ARSG: variants seen among roughly 807,000 people sequenced by gnomAD.
ARSG encodes the protein ASG.
In ARSG, 37 loss-of-function variants were observed where a neutral mutation model predicts 50.5. That is an observed-to-expected ratio of 0.73 (90% CI 0.56 to 0.96). The LOEUF (loss-of-function observed/expected upper bound fraction) is 0.96. ARSG is among the 50% of genes least tolerant of loss of function. The probability of loss-of-function intolerance (pLI) is 0.00; values close to 1 mark genes in which losing one functional copy is unlikely to be tolerated. For missense variants in ARSG, 629 were observed against 675.3 expected, an observed-to-expected ratio of 0.93 and a Z score of 0.76; for synonymous variants, 225 against 254.6, an observed-to-expected ratio of 0.88 and a Z score of 1.11.
intron 1 of ARSG, chr17:68,277,961 G>A: frequency 1.6e-6 from 1 of 645,066 alleles, no homozygotes; most frequent in Non-Finnish European, 2.7e-6. Flanking sequence ...TGTTAGTCAG[G>A]GCTAGGAAGG....
chr17:68,368,676 G>T lies in ARSG; in HGVS notation c.833G>T (p.Ser278Ile), dbSNP rs879013246. 4 of 1,614,050 alleles carry T rather than the reference G, an allele frequency of 2.5e-6. No individual in the cohort carries two copies. Among genetic ancestry groups the T allele is most frequent in the African/African-American group, 2.7e-5 (2 of 74,954 alleles). The stretch of plus-strand genomic sequence containing the variant: ...GGTGCAGGGCTCTGGGAGATGGACA[G>T]TCTGGTGGGCCAGATCAAGGACAAA... Reference protein sequence around the residue: ...LYGAGLWEMDSLVGQIKDKVD... With the variant: ...LYGAGLWEMDILVGQIKDKVD... Residue 278 changes from serine (S) to isoleucine (I), a missense_variant, in exon 7 of 12, where the codon AGT (serine) becomes ATT (isoleucine). Coordinates refer to ENST00000621439, the MANE Select transcript of ARSG (RefSeq NM_001267727.2).
At chr17:68,334,795 C>A (rs1286378086) in intron 2 of ARSG, among the ~76,000 whole-genome samples, 2 of 152,024 alleles carry the variant, frequency 1.3e-5, no homozygotes, top group South Asian at 4.1e-4. Flanking sequence ...TCTTATATGG[C>A]GGCTCACAGA....
chr17:68,292,041 C>T (rs1231334666), intron 1 of ARSG, among the ~76,000 whole-genome samples: 3 of 152,048 alleles, frequency 2.0e-5, no homozygotes, highest in Non-Finnish European at 4.4e-5. Context: ...AACTCGCGCA[C>T]CCCCACAGTT....
At chr17:68,430,095 T>G in the ARSG span, 2 of 1,613,454 alleles carry the variant, frequency 1.2e-6, no homozygotes, top group South Asian at 2.2e-5. Flanking sequence ...GGTAGGGAGG[T>G]AGTTGGTAGC....
intron 11 of ARSG, among the ~76,000 whole-genome samples, chr17:68,402,639 C>T (rs1159621051): frequency 1.3e-5 from 2 of 152,158 alleles, no homozygotes; most frequent in African/African-American, 4.8e-5. Context: ...ATTCTCCTGC[C>T]TCAGCCTCCC....
intron 3 of ARSG, 110 bp downstream of exon 3, chr17:68,343,901 TGA>T (rs1174122224): frequency 1.8e-6 from 2 of 1,136,242 alleles, no homozygotes; most frequent in Non-Finnish European, 2.5e-6. Context: ...TCTTGCTGTG[TGA>T]GTTAGGGATG....
chr17:68,349,134 TA>T (rs34511362), intron 4 of ARSG, among the ~76,000 whole-genome samples: 2 of 151,798 alleles, frequency 1.3e-5, no homozygotes, highest in Non-Finnish European at 2.9e-5. Context: ...CTGTCTCTAC[TA>T]AAAAAATAAA....
intron 2 of ARSG, among the ~76,000 whole-genome samples, chr17:68,325,118 C>T (rs1049870874): frequency 4.6e-5 from 7 of 152,108 alleles, no homozygotes; most frequent in African/African-American, 7.2e-5. Context: ...AGGAGGTGAG[C>T]GGCATGTGAG....
intron 11 of ARSG, among the ~76,000 whole-genome samples, chr17:68,416,567 A>G (rs944933186): frequency 6.6e-6 from 1 of 152,080 alleles, no homozygotes; most frequent in Non-Finnish European, 1.5e-5. Context: ...ATGTTTTCCA[A>G]ACTTTTAGAT....
At chr17:68,304,169 C>T (rs2076522372) in intron 1 of ARSG, among the ~76,000 whole-genome samples, 1 of 152,210 alleles carries the variant, frequency 6.6e-6, no homozygotes, top group Non-Finnish European at 1.5e-5. Flanking sequence ...AGCTAAGAAG[C>T]TTTAAGAGGA....
At chr17:68,264,019 G>A (rs1296316978) in intron 1 of ARSG, among the ~76,000 whole-genome samples, 11 of 151,848 alleles carry the variant, frequency 7.2e-5, no homozygotes, top group East Asian at 1.9e-4. Flanking sequence ...CAACATGTCC[G>A]GCTAATTTTT....
intron 1 of ARSG, among the ~76,000 whole-genome samples, 171 bp downstream of exon 1, chr17:68,291,739 G>A (rs2076000922): frequency 6.6e-6 from 1 of 151,606 alleles, no homozygotes; most frequent in Non-Finnish European, 1.5e-5. Context: ...TGTTGGGGGT[G>A]CCTGCATCCT....
At chr17:68,276,306 C>T (rs1555750892) in intron 1 of ARSG, among the ~76,000 whole-genome samples, 1 of 151,954 alleles carries the variant, frequency 6.6e-6, no homozygotes, top group Non-Finnish European at 1.5e-5. Flanking sequence ...TGTAGAACTG[C>T]CTTGTAAAGA....
intron 1 of ARSG, chr17:68,274,147 G>T: frequency 6.8e-7 from 1 of 1,476,928 alleles, no homozygotes; most frequent in East Asian, 2.3e-5. Context: ...CTTCCTCCAC[G>T]TCTTGCACAT....
At chr17:68,365,105 T>A (rs901871708) in intron 6 of ARSG, among the ~76,000 whole-genome samples, 1 of 152,092 alleles carries the variant, frequency 6.6e-6, no homozygotes, top group Non-Finnish European at 1.5e-5. Context: ...AAGTCAGGAG[T>A]TCGAGACCAG....
chr17:68,426,250 G>GGGGGGGGGGGGT, downstream of ARSG: 5 of 828,060 alleles, frequency 6.0e-6, no homozygotes, highest in African/African-American at 1.7e-5. Flanking sequence ...GGTGGGGAGC[G>GGGGGGGGGGGGT]GGGGCTCAAA....
chr17:68,361,567 A>AAAAC (rs756084104), intron 6 of ARSG, among the ~76,000 whole-genome samples: 34 of 152,208 alleles, frequency 2.2e-4, no homozygotes, highest in East Asian at 5.8e-4. Flanking sequence ...AAAACACAAC[A>AAAAC]AAACAAACAA....
At chr17:68,441,830 G>C in the ARSG span, among the ~76,000 whole-genome samples, 1 of 152,192 alleles carries the variant, frequency 6.6e-6, no homozygotes, top group African/African-American at 2.4e-5. Context: ...TTATAAACGT[G>C]AGCATTTAAA....
In ARSG at chr17:68,385,113, A is replaced by G. The variant is rs1235299521; in HGVS notation, c.1032A>G (p.Pro344=). 3 of 1,614,106 alleles carry G rather than the reference A, an allele frequency of 1.9e-6. No individual in the cohort carries two copies. The Admixed American group carries it at 5.0e-5, about 27-fold the overall frequency. Residue 344 remains proline (P), a synonymous_variant, in exon 9 of 12, where the codon CCA becomes CCG. Coordinates refer to ENST00000621439, the MANE Select transcript of ARSG (RefSeq NM_001267727.2). ...QTTWEGGHRV[P]ALAYWPGRVP... is the part of the protein sequence containing the mutation. The stretch of plus-strand genomic sequence containing the variant: ...CCTGGGAAGGAGGGCACCGGGTCCC[A>G]GCACTGGCTTACTGGCCTGGCAGAG...
Sources: allele counts gnomAD v4.1 joint callset (sites outside exome capture counted in the v4.1 genomes callset), GRCh38; gene constraint gnomAD v4.1.1; transcripts MANE v1.5; gene names NCBI Gene and HGNC (gene_info 2026-07-23, HGNC 2026-07-21).